The following TFEB variants were observed in gnomAD, a reference collection of about 807,000 sequenced individuals.
TFEB encodes transcription factor EB, also known as T-cell transcription factor EB.
TFEB carries 12 observed loss-of-function variants against 48.0 expected under a neutral mutation model. The observed-to-expected ratio is 0.25, with a 90% CI of 0.16 to 0.40. The LOEUF (loss-of-function observed/expected upper bound fraction) is 0.40, where lower values mean the gene tolerates loss of function less well. Ranked by LOEUF, TFEB falls within the 10% of genes least tolerant of loss-of-function variation. The probability of loss-of-function intolerance (pLI) is 1.00; values close to 1 mark genes in which losing one functional copy is unlikely to be tolerated. For synonymous variants in TFEB, 244 were observed against 261.4 expected, an observed-to-expected ratio of 0.93 and a Z score of 0.64; for missense variants, 509 against 640.3, an observed-to-expected ratio of 0.79 and a Z score of 2.21.
rs769506504 is a variant in TFEB at position 41,688,029 on chromosome 6, C to CTGTGGGG, written c.550-8_550-2dup. ...TCAGGTGGCTGCTGGACAGGGGTAG[C>CTGTGGGG]TGTGGGGTAGGGGGTGAGGGAGACC... On this transcript the variant is annotated splice_acceptor_variant, in intron 4 of 8. Transcript: ENST00000373033. LOFTEE classifies it high-confidence loss of function. 4 of 1,609,542 alleles carry CTGTGGGG rather than the reference C, an allele frequency of 2.5e-6. No homozygotes were observed. In the Admixed American group the frequency reaches 5.0e-5, roughly 20 times the overall value.
At chr6:41,725,470 T>G (rs1771165515) in intron 1 of TFEB, among the ~76,000 whole-genome samples, 1 of 152,168 alleles carries the variant, frequency 6.6e-6, no homozygotes, top group Non-Finnish European at 1.5e-5. Context: ...TGAAGGGTGA[T>G]GGGTACTCTG....
intron 6 of TFEB, 150 bp downstream of exon 6, chr6:41,687,603 G>A (rs1248803395): frequency 4.2e-6 from 4 of 944,862 alleles, no homozygotes; most frequent in African/African-American, 3.3e-5. Context: ...ACCACTGAGC[G>A]ACAGCAATGG....
At chr6:41,719,748 A>T (rs1770898582) in intron 1 of TFEB, among the ~76,000 whole-genome samples, 1 of 152,186 alleles carries the variant, frequency 6.6e-6, no homozygotes, top group Non-Finnish European at 1.5e-5. Flanking sequence ...GGTCAGAGAG[A>T]TTCAGTCACT....
chr6:41,697,540 A>G (rs539944305), intron 1 of TFEB, among the ~76,000 whole-genome samples: 4 of 149,416 alleles, frequency 2.7e-5, no homozygotes, highest in Admixed American at 1.3e-4. Context: ...TGACTTTAAA[A>G]TGCCTTTGGT....
chr6:41,723,371 G>T lies in TFEB; in HGVS notation c.-23+11979C>A. 1 of 825,888 alleles carries T rather than the reference G, an allele frequency of 1.2e-6. No individual in the cohort carries two copies. The highest frequency in any genetic ancestry group is 1.8e-6 in the Non-Finnish European group (1 of 568,464). 51.2% of individuals were successfully genotyped at this position (825,888 alleles called of 1,614,324 possible). A position where few individuals can be genotyped will look rare whatever the true frequency, so the allele number is the denominator to read the frequency against. The stretch of plus-strand genomic sequence containing the variant: ...CGCATGCACATACACTCACACAGAT[G>T]CACACAGGCTAACACACATGGACAC... On this transcript the variant is annotated intron_variant, in intron 1 of 8. Transcript: ENST00000373033. This position sits in a 1 kb window ranked among gnomAD's most constrained non-coding sequence, Gnocchi z 6.0.
Position 41,724,182 on chromosome 6 carries a change from TTCC to T in TFEB, c.-23+11165_-23+11167del, listed in dbSNP as rs1399845772. 6.6e-6 allele frequency among the ~76,000 whole-genome samples: 1 copy of T among 152,232 alleles called. No homozygotes were observed. Among genetic ancestry groups the T allele is most frequent in the Non-Finnish European group, 1.5e-5 (1 of 68,036 alleles). ...CTTGATACACATGCAAGTTCAGTGG[TTCC>T]TCAGCCCCCCAGCACTTTTTTAGCA... On this transcript the variant is annotated intron_variant, in intron 1 of 8. Coordinates refer to ENST00000373033, the MANE Select transcript of TFEB (RefSeq NM_001271944.2). The surrounding 1 kb of genome is among the most constrained non-coding windows in gnomAD (Gnocchi z 4.4).
At chr6:41,718,462 G>T (rs1018383500) in intron 1 of TFEB, among the ~76,000 whole-genome samples, 30 of 152,018 alleles carry the variant, frequency 2.0e-4, no homozygotes, top group African/African-American at 7.3e-4. Flanking sequence ...TCCCGCCTCA[G>T]TCTCCCAAAG....
intron 1 of TFEB, among the ~76,000 whole-genome samples, chr6:41,702,308 G>A (rs1364440883): frequency 2.0e-5 from 3 of 152,202 alleles, no homozygotes; most frequent in South Asian, 2.1e-4. Context: ...TCGCTGAGAC[G>A]GTTAGCCCGC....
chr6:41,697,434 G>C (rs373514509), intron 1 of TFEB, among the ~76,000 whole-genome samples: 62 of 88,966 alleles, frequency 7.0e-4, no homozygotes, highest in African/African-American at 3.1e-3. Flanking sequence ...AAAAGAATGA[G>C]GGCAGACGTT....
intron 1 of TFEB, among the ~76,000 whole-genome samples, chr6:41,714,965 C>T (rs572599310): frequency 1.3e-4 from 20 of 152,328 alleles, no homozygotes; most frequent in South Asian, 1.0e-3. Flanking sequence ...AGCAGCAGCA[C>T]TCCCATTTTC....
chr6:41,686,134 G>A lies in TFEB; in HGVS notation c.907C>T (p.Arg303Cys), dbSNP rs779208482. ...QKSRELENHS[R>C]RLEMTNKQLW... ...TGCTTGTTGGTCATCTCCAGGCGGC[G>A]AGAGTGGTTCTCCAGCTCCCTGGAC... Residue 303 changes from arginine to cysteine, a missense_variant, in exon 8 of 9, where the codon CGC becomes TGC. Physicochemically the swap from Arg to Cys is radical, Grantham distance 180. Transcript: ENST00000373033. 2.2e-5 allele frequency: 36 copies of A among 1,614,136 alleles called. No individual in the cohort carries two copies. Among genetic ancestry groups the A allele is most frequent in the Non-Finnish European group, 3.1e-5 (36 of 1,180,056 alleles).
chr6:41,716,452 C>A (rs1770737554), intron 1 of TFEB, among the ~76,000 whole-genome samples: 1 of 152,176 alleles, frequency 6.6e-6, no homozygotes, highest in Non-Finnish European at 1.5e-5. Context: ...CTCATCCTCT[C>A]CAGCTGTGGT....
chr6:41,704,332 T>G (rs1366917159), intron 1 of TFEB, among the ~76,000 whole-genome samples: 1 of 152,232 alleles, frequency 6.6e-6, no homozygotes, highest in African/African-American at 2.4e-5. Flanking sequence ...GCTTTGTGAC[T>G]GGGGGCAGGT....
At chr6:41,693,922 C>T (rs1769438497) in intron 1 of TFEB, among the ~76,000 whole-genome samples, 2 of 152,206 alleles carry the variant, frequency 1.3e-5, no homozygotes, top group South Asian at 2.1e-4. Context: ...CCCTACAGAC[C>T]TCATAGGCTC....
At chr6:41,736,140 A>T, upstream of TFEB, 1 of 1,612,700 alleles carries the variant, frequency 6.2e-7, no homozygotes, top group East Asian at 2.2e-5. Context: ...TTCACGCCCC[A>T]CTCACCAGCC....
At position 41,723,875 on chromosome 6, in the gene TFEB, C is replaced by T; in HGVS notation, c.-23+11475G>A. On this transcript the variant is annotated intron_variant, in intron 1 of 8. Coordinates refer to ENST00000373033, the MANE Select transcript of TFEB (RefSeq NM_001271944.2). The surrounding 1 kb of genome is among the most constrained non-coding windows in gnomAD (Gnocchi z 6.0). ...GAGACACAGAGCAGCAAGAATTTCG[C>T]CAGAGTCCCAATCCCACCAGGTCCA... The T allele has an allele frequency of 2.0e-6, 1 of 501,624 alleles. No individual in the cohort carries two copies. Among genetic ancestry groups the T allele is most frequent in the Non-Finnish European group, 4.0e-6 (1 of 251,806 alleles). 31.1% of individuals were successfully genotyped at this position (501,624 alleles called of 1,614,324 possible).
rs1034342771 is a variant in TFEB, at chr6:41,691,259, G to A, written c.-22-24C>T. ...CCCTGTGGATGAGAAGGGGCAGCAG[G>A]TATATGAGGCACGTGTCCTCCTCAA... On this transcript the variant is annotated intron_variant, in intron 1 of 8. Transcript: ENST00000373033. This position sits in a 1 kb window ranked among gnomAD's most constrained non-coding sequence, Gnocchi z 5.2. 78 of 1,553,402 alleles carry A rather than the reference G, an allele frequency of 5.0e-5. No individual in the cohort carries two copies. Among genetic ancestry groups the A allele is most frequent in the Non-Finnish European group, 6.8e-5 (78 of 1,147,380 alleles).
In TFEB at chr6:41,734,694, G is replaced by C. The variant is rs1771598145; in HGVS notation, c.-23+656C>G. On this transcript the variant is annotated intron_variant, in intron 1 of 8. Transcript: ENST00000373033. The surrounding 1 kb of genome is among the most constrained non-coding windows in gnomAD (Gnocchi z 4.0). ...AGGGTCATAGAATAACCCACGGGGA[G>C]AAAGAGACTGCCCAGGGACTCGAGG... Among the ~76,000 whole-genome samples, 1 of 151,922 alleles carries C rather than the reference G, an allele frequency of 6.6e-6. No individual in the cohort carries two copies. The highest frequency in any genetic ancestry group is 2.4e-5 in the African/African-American group (1 of 41,368).
chr6:41,696,633 G>T (rs1297281738), intron 1 of TFEB, among the ~76,000 whole-genome samples: 1 of 152,174 alleles, frequency 6.6e-6, no homozygotes, highest in Non-Finnish European at 1.5e-5. Flanking sequence ...GGCAGAGGTT[G>T]CAGTGAGCCG....
Sources: gnomAD v4.1 joint callset for allele counts (sites outside exome capture counted in the v4.1 genomes callset) on GRCh38, gnomAD v4.1.1 for gene constraint, Gnocchi (gnomAD v3.1) non-coding constraint, MANE v1.5 for transcripts, NCBI Gene and HGNC (gene_info 2026-07-23, HGNC 2026-07-21) for gene names.